Variants in DACH2 observed in about 807,000 individuals in gnomAD.
DACH2 encodes the protein dachshund family transcription factor 2.
DACH2 carries 17 observed loss-of-function variants against 35.8 expected under a neutral mutation model. The observed-to-expected ratio is 0.48, with a 90% CI of 0.33 to 0.71. The LOEUF is 0.71. Among genes scored for constraint, DACH2 ranks in the 30% least tolerant of loss-of-function variants. DACH2 has a pLI of 0.02. For synonymous variants in DACH2, 195 were observed against 177.3 expected, an observed-to-expected ratio of 1.10 and a Z score of -0.79; for missense variants, 469 against 472.7, an observed-to-expected ratio of 0.99 and a Z score of 0.07.
At chrX:86,253,516 A>G (rs1482815551) in intron 1 of DACH2, among the ~76,000 whole-genome samples, 6 of 112,184 alleles carry the variant, frequency 5.3e-5, no homozygotes, top group Middle Eastern at 9.2e-3. Context: ...AAAACCTTCA[A>G]CAAGACTAGT....
At chrX:86,546,925 G>C (rs1272596529) in intron 3 of DACH2, among the ~76,000 whole-genome samples, 2 of 110,197 alleles carry the variant, frequency 1.8e-5, no homozygotes, top group African/African-American at 6.6e-5. Context: ...TCTGAACTGC[G>C]CCCATTTTCA....
At chrX:86,822,956 A>AT (rs200499701) in intron 11 of DACH2, among the ~76,000 whole-genome samples, 35 of 110,257 alleles carry the variant, frequency 3.2e-4, no homozygotes, top group African/African-American at 6.6e-4. Flanking sequence ...TTTACATTTT[A>AT]TTTTTTTTTA....
At chrX:86,529,399 C>G (rs2038679677) in intron 3 of DACH2, among the ~76,000 whole-genome samples, 1 of 109,420 alleles carries the variant, frequency 9.1e-6, no homozygotes. Context: ...ACCAACCTCT[C>G]TTCACCCCCT....
intron 2 of DACH2, among the ~76,000 whole-genome samples, chrX:86,399,807 C>G (rs1024811227): frequency 6.3e-5 from 7 of 111,600 alleles, no homozygotes; most frequent in African/African-American, 2.3e-4. Context: ...TCTGGCTGCC[C>G]TTAACATTTT....
intron 1 of DACH2, among the ~76,000 whole-genome samples, chrX:86,154,067 T>A (rs2030461070): frequency 8.9e-6 from 1 of 111,763 alleles, no homozygotes; most frequent in East Asian, 2.8e-4. Flanking sequence ...ATAGAAGATA[T>A]CAAGTCTGAA....
chrX:86,781,273 C>T (rs2042086622), intron 7 of DACH2, among the ~76,000 whole-genome samples: 1 of 111,544 alleles, frequency 9.0e-6, no homozygotes, highest in Admixed American at 9.6e-5. Context: ...GGCTCAGTAT[C>T]TCCTTCTGAA....
chrX:86,740,977 G>A (rs1379560950), intron 7 of DACH2, among the ~76,000 whole-genome samples: 1 of 111,067 alleles, frequency 9.0e-6, no homozygotes, highest in Admixed American at 9.6e-5. Context: ...AGTAATTACC[G>A]ATCAATTGAG....
intron 3 of DACH2, among the ~76,000 whole-genome samples, chrX:86,533,055 T>C (rs2038746845): frequency 1.8e-5 from 2 of 111,381 alleles, no homozygotes; most frequent in Middle Eastern, 4.6e-3. Context: ...ATTTATTTAT[T>C]TTTTAATTTT....
chrX:86,747,517 C>T (rs1409813782), intron 7 of DACH2, among the ~76,000 whole-genome samples: 1 of 111,923 alleles, frequency 8.9e-6, no homozygotes, highest in Non-Finnish European at 1.9e-5. Flanking sequence ...AAATTGATTT[C>T]TCAGTGCATG....
intron 2 of DACH2, among the ~76,000 whole-genome samples, chrX:86,453,301 G>A (rs73631946): frequency 1.3e-3 from 151 of 111,952 alleles, no homozygotes; most frequent in African/African-American, 4.5e-3. Context: ...TGCTGTTTTC[G>A]GGTGGAGAGT....
chrX:86,622,078 A>C lies in DACH2; in HGVS notation c.641-28958A>C, dbSNP rs191481480. ...AAAACTTGTTTACAACTAATACTGCAATACCAGTTTAGAAAACAGGGATCT... is the reference window on the plus strand; with the variant it reads ...AAAACTTGTTTACAACTAATACTGCCATACCAGTTTAGAAAACAGGGATCT... On this transcript the variant is annotated intron_variant, in intron 3 of 11. Coordinates refer to ENST00000373125, the MANE Select transcript of DACH2 (RefSeq NM_053281.3). 3.6e-3 allele frequency among the ~76,000 whole-genome samples: 400 copies of C among 111,575 alleles called. 2 individuals carry two copies. Among genetic ancestry groups the C allele is most frequent in the African/African-American group, 0.012 (382 of 30,822 alleles).
intron 2 of DACH2, among the ~76,000 whole-genome samples, chrX:86,411,067 G>A (rs887922270): frequency 7.4e-5 from 3 of 40,627 alleles, no homozygotes; most frequent in African/African-American, 2.7e-4. Flanking sequence ...AGTTTATTTA[G>A]TATTAACTTA....
intron 1 of DACH2, among the ~76,000 whole-genome samples, chrX:86,300,967 C>T (rs1187096778): frequency 8.9e-6 from 1 of 111,738 alleles, no homozygotes; most frequent in Non-Finnish European, 1.9e-5. Context: ...ATATTGTGAA[C>T]AATGTAGTAT....
chrX:86,170,775 C>T (rs144309004), intron 1 of DACH2, among the ~76,000 whole-genome samples: 4 of 112,325 alleles, frequency 3.6e-5, no homozygotes, highest in East Asian at 5.6e-4. Context: ...GCTAAGCATG[C>T]GCCTGTGACA....
At chrX:86,746,259 A>G (rs1363372758) in intron 7 of DACH2, among the ~76,000 whole-genome samples, 1 of 111,435 alleles carries the variant, frequency 9.0e-6, no homozygotes, top group Non-Finnish European at 1.9e-5. Flanking sequence ...TTTCACATGT[A>G]TATATACTTA....
chrX:86,509,099 T>A (rs1212681341), intron 2 of DACH2, among the ~76,000 whole-genome samples: 1 of 112,020 alleles, frequency 8.9e-6, no homozygotes, highest in Admixed American at 9.5e-5. Context: ...CAATCTTATG[T>A]TAATTTCCTT....
At chrX:86,749,106 A>C (rs1243726740) in intron 7 of DACH2, among the ~76,000 whole-genome samples, 1 of 112,028 alleles carries the variant, frequency 8.9e-6, no homozygotes, top group African/African-American at 3.2e-5. Context: ...TTAGGATTTG[A>C]ATTAAAGAAA....
chrX:86,373,153 T>C (rs1471650366), intron 1 of DACH2, among the ~76,000 whole-genome samples: 1 of 110,788 alleles, frequency 9.0e-6, no homozygotes, highest in African/African-American at 3.3e-5. Flanking sequence ...ATGTGTGTTT[T>C]TGGTAGAAAA....
chrX:86,480,124 G>T (rs1472632297), intron 2 of DACH2, among the ~76,000 whole-genome samples: 1 of 111,926 alleles, frequency 8.9e-6, no homozygotes, highest in Non-Finnish European at 1.9e-5. Context: ...TTTCAGGGAA[G>T]GTTTTTCATG....
Sources: allele counts gnomAD v4.1 joint callset (sites outside exome capture counted in the v4.1 genomes callset), GRCh38; gene constraint gnomAD v4.1.1; transcripts MANE v1.5; gene names NCBI Gene and HGNC (gene_info 2026-07-23, HGNC 2026-07-21).